WDR45B: variants seen among roughly 807,000 people sequenced by gnomAD.
WDR45B encodes WD repeat domain phosphoinositide-interacting protein 3.
WDR45B carries 20 observed loss-of-function variants against 44.6 expected under a neutral mutation model. That is an observed-to-expected ratio of 0.45 (90% CI 0.32 to 0.65). The LOEUF is 0.65. Among genes scored for constraint, WDR45B ranks in the 30% least tolerant of loss-of-function variants. The pLI is 0.05. For missense variants in WDR45B, 323 were observed against 430.2 expected (o/e 0.75, Z 2.20); for synonymous variants, 169 against 164.9 (o/e 1.02, Z -0.19).
chr17:82,646,256 C>T (rs1333537309), intron 1 of WDR45B, among the ~76,000 whole-genome samples: 3 of 151,754 alleles, frequency 2.0e-5, no homozygotes, highest in African/African-American at 7.2e-5. Context: ...TTTGAGAGGC[C>T]GAGGTGGGCG....
chr17:82,626,599 C>T (rs2045701703), intron 4 of WDR45B, among the ~76,000 whole-genome samples: 1 of 147,306 alleles, frequency 6.8e-6, no homozygotes. Flanking sequence ...ATCCAACTTG[C>T]TCGGCTGCTG....
At chr17:82,647,680 T>A (rs745782551) in intron 1 of WDR45B, among the ~76,000 whole-genome samples, 8 of 146,272 alleles carry the variant, frequency 5.5e-5, no homozygotes, top group Non-Finnish European at 1.2e-4. Context: ...CATTTTCCGA[T>A]GGAAACCGAC....
intron 6 of WDR45B, among the ~76,000 whole-genome samples, chr17:82,620,365 G>A (rs1027901836): frequency 3.9e-5 from 6 of 152,212 alleles, no homozygotes; most frequent in Non-Finnish European, 7.3e-5. Flanking sequence ...CCCAGGAGGC[G>A]GAGGTGGCAG....
In WDR45B at chr17:82,641,759, G is replaced by A. The variant is rs533558537; in HGVS notation, c.142+2190C>T. Among the ~76,000 whole-genome samples the A allele has an allele frequency of 3.3e-5, 5 of 152,210 alleles. No individual in the cohort carries two copies. In the East Asian group the frequency reaches 9.7e-4, roughly 29 times the overall value. ...AACATACAAAAAAAATTAGCCAGGC[G>A]TGGTGGCAGGTGCCTGCAATCCCAG... On this transcript the variant is annotated intron_variant, in intron 2 of 9. Transcript: ENST00000392325.
At chr17:82,643,429 T>C (rs1186525491) in intron 2 of WDR45B, among the ~76,000 whole-genome samples, 1 of 149,114 alleles carries the variant, frequency 6.7e-6, no homozygotes, top group East Asian at 2.0e-4. Flanking sequence ...CAAGATCCCG[T>C]CTCGGAAGAA....
At chr17:82,617,703 T>C (rs1344408397) in intron 7 of WDR45B, among the ~76,000 whole-genome samples, 1 of 152,108 alleles carries the variant, frequency 6.6e-6, no homozygotes, top group Non-Finnish European at 1.5e-5. Context: ...ACCCCCAACA[T>C]GCCGCTCAGG....
intron 2 of WDR45B, among the ~76,000 whole-genome samples, chr17:82,631,557 C>T (rs78125776): frequency 0.047 from 2,431 of 51,220 alleles, no homozygotes; most frequent in Middle Eastern, 0.13. Flanking sequence ...AATGCTGGGA[C>T]TACAGACATG....
intron 6 of WDR45B, among the ~76,000 whole-genome samples, chr17:82,620,384 G>A (rs886724603): frequency 2.6e-5 from 4 of 152,238 alleles, no homozygotes; most frequent in East Asian, 3.8e-4. Context: ...AGTGAGCTGA[G>A]ATCACGCCAC....
chr17:82,621,054 CTTTT>C lies in WDR45B; in HGVS notation c.618+551_618+554del, dbSNP rs11337047. 7.6e-5 allele frequency among the ~76,000 whole-genome samples: 10 copies of C among 131,286 alleles called. No homozygotes were observed. The South Asian group carries it at 1.5e-3, about 19-fold the overall frequency. The allele number at this position is 131,286 out of a possible 152,430, so 86.1% of individuals were successfully genotyped here. A position where few individuals can be genotyped will look rare whatever the true frequency, so the allele number is the denominator to read the frequency against. ...CTTGGATGTGGACGTATTTTTGTTTCTTTTTTTTTTTTTTTTTGAGACGGAGTCT... is the reference window on the plus strand; with the variant it reads ...CTTGGATGTGGACGTATTTTTGTTTCTTTTTTTTTTTTTGAGACGGAGTCT... On this transcript the variant is annotated intron_variant, in intron 6 of 9. Transcript: ENST00000392325.
intron 2 of WDR45B, among the ~76,000 whole-genome samples, chr17:82,632,492 G>C (rs942051478): frequency 1.3e-5 from 2 of 152,046 alleles, no homozygotes; most frequent in South Asian, 2.1e-4. Flanking sequence ...CATGAATTAC[G>C]TAAGAGGAAA....
At chr17:82,647,803 TACTA>T (rs1310142827) in intron 1 of WDR45B, among the ~76,000 whole-genome samples, 2 of 151,884 alleles carry the variant, frequency 1.3e-5, no homozygotes, top group Non-Finnish European at 2.9e-5. Flanking sequence ...ACGGGCTACC[TACTA>T]AAGACCCTGA....
chr17:82,633,993 T>TA (rs2045800930), intron 2 of WDR45B, among the ~76,000 whole-genome samples: 2 of 140,452 alleles, frequency 1.4e-5, no homozygotes, highest in African/African-American at 5.3e-5. Flanking sequence ...TACTAAAAAT[T>TA]CAAAAAAATT....
At chr17:82,638,530 A>G (rs1341763446) in intron 2 of WDR45B, among the ~76,000 whole-genome samples, 1 of 151,776 alleles carries the variant, frequency 6.6e-6, no homozygotes, top group Non-Finnish European at 1.5e-5. Context: ...AGAAACTAAT[A>G]AAAGAAAATG....
chr17:82,615,933 C>T lies in WDR45B; in HGVS notation c.1021G>A (p.Asp341Asn), dbSNP rs1241015998. 3 of 1,613,436 alleles carry T rather than the reference C, an allele frequency of 1.9e-6. No homozygotes were observed. Among genetic ancestry groups the T allele is most frequent in the East Asian group, 2.2e-5 (1 of 44,852 alleles). ...CCCAGCTGGAGTCACAGCTTGTCATCGGTCATCTCTAGAAACTGCGCGTAG... is the reference window on the plus strand; with the variant it reads ...CCCAGCTGGAGTCACAGCTTGTCATTGGTCATCTCTAGAAACTGCGCGTAG... ...DVYAQFLEMT[D>N]DKL Residue 341 changes from aspartate to asparagine, a missense_variant, in exon 10 of 10, where the codon GAT becomes AAT. Asp to Asn is a conservative substitution (Grantham distance 23). Transcript: ENST00000392325.
intron 3 of WDR45B, chr17:82,629,859 C>A: frequency 3.0e-6 from 3 of 985,322 alleles, no homozygotes; most frequent in Non-Finnish European, 3.6e-6. Flanking sequence ...TCACCCAGAT[C>A]CTAGTTCACC....
intron 1 of WDR45B, among the ~76,000 whole-genome samples, chr17:82,648,018 G>A (rs1008988263): frequency 7.0e-6 from 1 of 142,150 alleles, no homozygotes; most frequent in African/African-American, 2.6e-5. Context: ...GCTGGGAGCG[G>A]TCACAACCCG....
In WDR45B at chr17:82,616,662, A is replaced by T; in HGVS notation, c.807-17T>A. 1 of 1,614,130 alleles carries T rather than the reference A, an allele frequency of 6.2e-7. No homozygotes were observed. The highest frequency in any genetic ancestry group is 8.5e-7 in the Non-Finnish European group (1 of 1,179,986). The stretch of plus-strand genomic sequence containing the variant: ...GAGGCCAAACTGTGAAGACAAGAAA[A>T]GAAAGGGTGGTTCAAAGTTTACAGG... On this transcript the variant is annotated splice_polypyrimidine_tract_variant and intron_variant, in intron 8 of 9. Coordinates refer to ENST00000392325, the MANE Select transcript of WDR45B (RefSeq NM_019613.4).
chr17:82,625,585 AC>A, intron 4 of WDR45B, 102 bp from the exon 5 acceptor site: 3 of 1,147,286 alleles, frequency 2.6e-6, no homozygotes, highest in Non-Finnish European at 3.8e-6. Flanking sequence ...CACTGAAAAT[AC>A]CACACAGAAA....
rs957643471 is a variant in WDR45B at position 82,647,530 on chromosome 17, G to A, written c.67+744C>T. ...GCGGGGAAGGAGGTCACCTTCCCTG[G>A]GCGCTTTAAATCATCCAGTGCTTAC... On this transcript the variant is annotated intron_variant, in intron 1 of 9. Transcript: ENST00000392325. Among the ~76,000 whole-genome samples the A allele has an allele frequency of 3.9e-5, 6 of 152,152 alleles. No individual in the cohort carries two copies. In the East Asian group the frequency reaches 1.2e-3, roughly 29 times the overall value.
Sources: gnomAD v4.1 joint callset for allele counts (sites outside exome capture counted in the v4.1 genomes callset) on GRCh38, gnomAD v4.1.1 for gene constraint, MANE v1.5 for transcripts, NCBI Gene and HGNC (gene_info 2026-07-23, HGNC 2026-07-21) for gene names.